The following CLSTN2 variants were observed in gnomAD, a reference collection of about 807,000 sequenced individuals.
CLSTN2 encodes calsyntenin 2.
A neutral mutation model predicts 101.2 loss-of-function variants in CLSTN2; 48 were observed. That is an observed-to-expected ratio of 0.47 (90% CI 0.38 to 0.60). The LOEUF (loss-of-function observed/expected upper bound fraction) is 0.60. Among genes scored for constraint, CLSTN2 ranks in the 20% least tolerant of loss-of-function variants. CLSTN2 has a pLI of 0.00. For missense variants in CLSTN2, 1,160 were observed against 1,238.2 expected, an observed-to-expected ratio of 0.94 and a Z score of 0.95; for synonymous variants, 481 against 463.6, an observed-to-expected ratio of 1.04 and a Z score of -0.48.
chr3:140,212,431 G>A (rs778138223), intron 2 of CLSTN2, among the ~76,000 whole-genome samples: 17 of 152,184 alleles, frequency 1.1e-4, no homozygotes, highest in Non-Finnish European at 1.8e-4. Context: ...ATAATTACCA[G>A]TTGATTCTGT....
chr3:140,540,022 G>A (rs1378691576), intron 9 of CLSTN2, among the ~76,000 whole-genome samples: 1 of 152,180 alleles, frequency 6.6e-6, no homozygotes, highest in Non-Finnish European at 1.5e-5. Context: ...TGAATTTGGA[G>A]TCAGTAGAGA....
At chr3:140,070,847 G>A (rs1195598277) in intron 1 of CLSTN2, among the ~76,000 whole-genome samples, 1 of 152,042 alleles carries the variant, frequency 6.6e-6, no homozygotes, top group Non-Finnish European at 1.5e-5. Flanking sequence ...ATGGTCTGTG[G>A]CTGTTTTCCA....
intron 2 of CLSTN2, among the ~76,000 whole-genome samples, chr3:140,303,323 C>T (rs112136229): frequency 0.012 from 1,788 of 152,248 alleles, 22 homozygotes; most frequent in African/African-American, 0.039. Context: ...TCCTGTGTGC[C>T]TGGCACAATG....
In CLSTN2 at chr3:140,145,819, C is replaced by T. The variant is rs142099505; in HGVS notation, c.110-30132C>T. Among the ~76,000 whole-genome samples the T allele has an allele frequency of 2.2e-3, 338 of 152,360 alleles. 1 individual carries two copies. Among genetic ancestry groups the T allele is most frequent in the African/African-American group, 7.8e-3 (323 of 41,584 alleles). On this transcript the variant is annotated intron_variant, in intron 1 of 16. Coordinates refer to ENST00000458420, the MANE Select transcript of CLSTN2 (RefSeq NM_022131.3). ...TTGGGTTCAAAAAATATTCTTGGAG[C>T]CAGCAGAGTGATCTTTCCAACACAT...
chr3:140,216,931 A>T (rs546768898), intron 2 of CLSTN2, among the ~76,000 whole-genome samples: 1 of 152,220 alleles, frequency 6.6e-6, no homozygotes, highest in South Asian at 2.1e-4. Context: ...ACATATACTA[A>T]CTCATAGTCC....
At chr3:140,087,336 G>A (rs1421873962) in intron 1 of CLSTN2, among the ~76,000 whole-genome samples, 1 of 152,166 alleles carries the variant, frequency 6.6e-6, no homozygotes, top group Non-Finnish European at 1.5e-5. Context: ...AGGCAAATGA[G>A]CTGATTAAAG....
At chr3:140,235,530 G>A (rs1559814855) in intron 2 of CLSTN2, among the ~76,000 whole-genome samples, 1 of 152,214 alleles carries the variant, frequency 6.6e-6, no homozygotes. Context: ...CAGCTCTGGG[G>A]ATCCTCCCGT....
At chr3:140,240,446 C>A (rs2086457540) in intron 2 of CLSTN2, among the ~76,000 whole-genome samples, 1 of 151,554 alleles carries the variant, frequency 6.6e-6, no homozygotes, top group African/African-American at 2.4e-5. Flanking sequence ...GAGCCCCTTA[C>A]CTAGCTGTAA....
At chr3:140,057,616 C>A (rs1469775860) in intron 1 of CLSTN2, among the ~76,000 whole-genome samples, 2 of 152,142 alleles carry the variant, frequency 1.3e-5, no homozygotes, top group Non-Finnish European at 2.9e-5. Context: ...TCCTCGAGAG[C>A]AAATGTATTC....
intron 10 of CLSTN2, among the ~76,000 whole-genome samples, chr3:140,548,525 C>A (rs1274373464): frequency 1.3e-5 from 2 of 151,898 alleles, no homozygotes; most frequent in Non-Finnish European, 2.9e-5. Context: ...GGTGATGAGG[C>A]CTGAGTAGAA....
chr3:140,510,668 C>T (rs1243156934), intron 8 of CLSTN2, among the ~76,000 whole-genome samples: 1 of 152,178 alleles, frequency 6.6e-6, no homozygotes, highest in Admixed American at 6.5e-5. Context: ...TGACAGGAGG[C>T]CCAGCAGGTG....
chr3:140,343,527 G>T lies in CLSTN2; in HGVS notation c.233-60102G>T, dbSNP rs541462231. 1.8e-4 allele frequency among the ~76,000 whole-genome samples: 28 copies of T among 152,168 alleles called. No homozygotes were observed. In the South Asian group the frequency reaches 5.4e-3, roughly 29 times the overall value. On this transcript the variant is annotated intron_variant, in intron 2 of 16. Transcript: ENST00000458420. ...TAAAGAGTCAACTTGTATCTTCCAGGGACTATCAATGCAGTGCATAAACAG... is the reference window on the plus strand; with the variant it reads ...TAAAGAGTCAACTTGTATCTTCCAGTGACTATCAATGCAGTGCATAAACAG...
intron 1 of CLSTN2, among the ~76,000 whole-genome samples, chr3:140,157,536 C>T (rs374785816): frequency 1.3e-5 from 2 of 152,106 alleles, no homozygotes; most frequent in East Asian, 3.9e-4. Flanking sequence ...TAGAGTTGTT[C>T]GTAATAGTCT....
chr3:140,103,278 A>G (rs2008997907), intron 1 of CLSTN2, among the ~76,000 whole-genome samples: 1 of 152,184 alleles, frequency 6.6e-6, no homozygotes, highest in Non-Finnish European at 1.5e-5. Context: ...TAACTTCCAC[A>G]TGGCCTTCTC....
At chr3:140,345,264 T>TTTTTG (rs1241144183) in intron 2 of CLSTN2, among the ~76,000 whole-genome samples, 5 of 149,828 alleles carry the variant, frequency 3.3e-5, no homozygotes, top group Non-Finnish European at 4.5e-5. Flanking sequence ...TTTTTTTTTT[T>TTTTTG]TGAGACAGAG....
intron 1 of CLSTN2, among the ~76,000 whole-genome samples, chr3:139,960,455 C>G (rs1457178847): frequency 6.6e-6 from 1 of 152,120 alleles, no homozygotes; most frequent in South Asian, 2.1e-4. Context: ...TGGTGGCTTC[C>G]TATTACCTAG....
At chr3:140,003,727 T>C (rs2006895358) in intron 1 of CLSTN2, among the ~76,000 whole-genome samples, 1 of 152,222 alleles carries the variant, frequency 6.6e-6, no homozygotes, top group Non-Finnish European at 1.5e-5. Flanking sequence ...TTTGAGAATT[T>C]TTTGATGAAG....
intron 1 of CLSTN2, among the ~76,000 whole-genome samples, chr3:140,117,131 G>C (rs2009257760): frequency 6.6e-6 from 1 of 152,118 alleles, no homozygotes; most frequent in Non-Finnish European, 1.5e-5. Context: ...TCATTCCTCA[G>C]AGTTCTGCTC....
At chr3:140,219,990 GGAA>G (rs796401809) in intron 2 of CLSTN2, among the ~76,000 whole-genome samples, 1 of 152,180 alleles carries the variant, frequency 6.6e-6, no homozygotes, top group Non-Finnish European at 1.5e-5. Context: ...ATGGAGAAAT[GGAA>G]GAAGAACTGG....
Sources: gnomAD v4.1 joint callset for allele counts (sites outside exome capture counted in the v4.1 genomes callset) on GRCh38, gnomAD v4.1.1 for gene constraint, MANE v1.5 for transcripts, NCBI Gene and HGNC (gene_info 2026-07-23, HGNC 2026-07-21) for gene names.